Variants in CTNNA3 observed in about 807,000 individuals in gnomAD.
CTNNA3 encodes the protein catenin alpha-3.
In CTNNA3, 76 loss-of-function variants were observed where a neutral mutation model predicts 95.7. That is an observed-to-expected ratio of 0.79 (90% CI 0.66 to 0.96). CTNNA3 has a LOEUF of 0.96. Among genes scored for constraint, CTNNA3 ranks in the 40% least tolerant of loss-of-function variants. The pLI is 0.00. For synonymous variants in CTNNA3, 431 were observed against 374.4 expected (o/e 1.15, Z -1.74); for missense variants, 1,191 against 1,089.8 (o/e 1.09, Z -1.31).
rs1397907107 is a variant in CTNNA3, at chr10:67,726,425, AT to A, written c.-2+37008del. Among the ~76,000 whole-genome samples, 156 of 37,744 alleles carry A rather than the reference AT, an allele frequency of 4.1e-3. 2 individuals carry two copies. In the African/African-American group the frequency reaches 0.047, roughly 11 times the overall value. 24.8% of individuals were successfully genotyped at this position (37,744 alleles called of 152,430 possible). On this transcript the variant is annotated intron_variant, in intron 1 of 17. Coordinates refer to the CTNNA3 transcript ENST00000684154. ...TATTATATCATATATAATATTATAT[AT>A]TATATCATATATAATATATAATATT...
At chr10:66,915,514 C>A (rs1846441955) in intron 7 of CTNNA3, among the ~76,000 whole-genome samples, 1 of 151,646 alleles carries the variant, frequency 6.6e-6, no homozygotes, top group Admixed American at 6.6e-5. Context: ...GGTGCTTCAA[C>A]AAAATGAGTG....
chr10:67,218,926 A>AT (rs1864516152), intron 6 of CTNNA3, among the ~76,000 whole-genome samples: 1 of 152,132 alleles, frequency 6.6e-6, no homozygotes, highest in South Asian at 2.1e-4. Flanking sequence ...GTGTATTCCC[A>AT]TTTAACTTGG....
intron 5 of CTNNA3, among the ~76,000 whole-genome samples, chr10:67,283,430 CAGTT>C (rs1839475477): frequency 1.3e-5 from 2 of 152,118 alleles, no homozygotes; most frequent in Admixed American, 6.5e-5. Flanking sequence ...TAGGAACACT[CAGTT>C]GGTAAGGAAA....
intron 13 of CTNNA3, among the ~76,000 whole-genome samples, chr10:66,252,769 T>A (rs2132074911): frequency 6.6e-6 from 1 of 152,314 alleles, no homozygotes; most frequent in East Asian, 1.9e-4. Context: ...GTGAATAATT[T>A]GAAAAGGAAC....
intron 13 of CTNNA3, among the ~76,000 whole-genome samples, chr10:66,149,485 T>G (rs912909958): frequency 1.3e-5 from 2 of 151,440 alleles, no homozygotes; most frequent in Non-Finnish European, 3.0e-5. Flanking sequence ...AAATGGGTAC[T>G]GAATTCAATC....
At chr10:66,301,573 C>CA (rs1484200187) in intron 12 of CTNNA3, among the ~76,000 whole-genome samples, 1 of 151,622 alleles carries the variant, frequency 6.6e-6, no homozygotes, top group Admixed American at 6.6e-5. Context: ...ATTCAGCCTT[C>CA]AAAAATCAAT....
intron 5 of CTNNA3, among the ~76,000 whole-genome samples, chr10:67,477,204 A>T (rs1298829269): frequency 9.9e-5 from 15 of 151,312 alleles, no homozygotes; most frequent in Admixed American, 9.9e-4. Context: ...GACAACTTGG[A>T]TCCAAGGAGG....
intron 12 of CTNNA3, among the ~76,000 whole-genome samples, chr10:66,367,737 TC>T (rs1318872224): frequency 1.4e-5 from 2 of 148,076 alleles, no homozygotes; most frequent in Non-Finnish European, 3.0e-5. Context: ...ATTCTAAGCC[TC>T]CTGGGTGGGG....
At chr10:66,884,203 C>A (rs1347257511) in intron 7 of CTNNA3, among the ~76,000 whole-genome samples, 1 of 152,062 alleles carries the variant, frequency 6.6e-6, no homozygotes, top group Non-Finnish European at 1.5e-5. Context: ...TAGGTCCCAC[C>A]TCCAACACTA....
chr10:67,200,335 T>C (rs1192008284), intron 6 of CTNNA3, among the ~76,000 whole-genome samples: 2 of 152,136 alleles, frequency 1.3e-5, no homozygotes, highest in African/African-American at 4.8e-5. Flanking sequence ...ATTCTTACTA[T>C]TGATAAAAAG....
chr10:66,403,203 G>T (rs904542938), intron 11 of CTNNA3, among the ~76,000 whole-genome samples: 2 of 152,226 alleles, frequency 1.3e-5, no homozygotes, highest in East Asian at 3.9e-4. Context: ...AGCCATCAAG[G>T]AGATCAGGAT....
chr10:67,464,837 T>C (rs1847522270), intron 5 of CTNNA3, among the ~76,000 whole-genome samples: 1 of 151,272 alleles, frequency 6.6e-6, no homozygotes, highest in Non-Finnish European at 1.5e-5. Context: ...GACCGTTTCT[T>C]ATCATCCTCT....
intron 15 of CTNNA3, among the ~76,000 whole-genome samples, chr10:66,018,220 T>A (rs10996831): frequency 0.23 from 16,600 of 71,332 alleles, 1,184 homozygotes; most frequent in East Asian, 0.28. Context: ...ACACACACAC[T>A]ATTTTATTGG....
chr10:66,302,825 T>A (rs1417950806), intron 12 of CTNNA3, among the ~76,000 whole-genome samples: 1 of 152,110 alleles, frequency 6.6e-6, no homozygotes, highest in Non-Finnish European at 1.5e-5. Flanking sequence ...CTAATAAAAT[T>A]TTAGCAAGGC....
intron 17 of CTNNA3, among the ~76,000 whole-genome samples, chr10:65,937,692 C>T (rs994784124): frequency 1.3e-5 from 2 of 152,170 alleles, no homozygotes; most frequent in African/African-American, 2.4e-5. Context: ...TATTGTCTTG[C>T]CCTGATCTTC....
intron 5 of CTNNA3, among the ~76,000 whole-genome samples, chr10:67,317,193 C>CT (rs1841091493): frequency 6.6e-6 from 1 of 151,098 alleles, no homozygotes; most frequent in Non-Finnish European, 1.5e-5. Context: ...TTGTTTTTTT[C>CT]TTTTTTTGCT....
chr10:67,724,277 G>A (rs1432408505), intron 1 of CTNNA3, among the ~76,000 whole-genome samples: 3 of 152,064 alleles, frequency 2.0e-5, no homozygotes, highest in Non-Finnish European at 4.4e-5. Flanking sequence ...TGATACTGTT[G>A]AACTGGATCA....
intron 10 of CTNNA3, among the ~76,000 whole-genome samples, chr10:66,575,937 A>G (rs367879982): frequency 3.9e-5 from 6 of 152,154 alleles, no homozygotes; most frequent in African/African-American, 1.2e-4. Context: ...GCCTGAAAAT[A>G]TTGTTGTGAA....
Position 67,297,645 on chromosome 10 carries a change from T to C in CTNNA3, c.580-77775A>G, listed in dbSNP as rs188029419. Among the ~76,000 whole-genome samples, 583 of 152,346 alleles carry C rather than the reference T, an allele frequency of 3.8e-3. 1 individual carries two copies. Among genetic ancestry groups the C allele is most frequent in the Non-Finnish European group, 6.2e-3 (419 of 68,030 alleles). On this transcript the variant is annotated intron_variant, in intron 5 of 17. Coordinates refer to ENST00000433211, the MANE Select transcript of CTNNA3 (RefSeq NM_013266.4). Reference sequence around the variant, plus strand: ...AGAGAAATAGTAGAATCAAGTACCATGGGAGTGTAAATCACCTGCTTGTGC... The same window carrying C: ...AGAGAAATAGTAGAATCAAGTACCACGGGAGTGTAAATCACCTGCTTGTGC...
Sources: allele counts gnomAD v4.1 joint callset (sites outside exome capture counted in the v4.1 genomes callset), GRCh38; gene constraint gnomAD v4.1.1; transcripts MANE v1.5; gene names NCBI Gene and HGNC (gene_info 2026-07-23, HGNC 2026-07-21).